TMEM130: variants seen among roughly 807,000 people sequenced by gnomAD.
The protein encoded by TMEM130 is transmembrane protein 130.
Under a neutral mutation model 42.9 loss-of-function variants are expected in TMEM130, and 37 were observed. The ratio of observed to expected loss-of-function variants is 0.86; its 90% CI spans 0.66 to 1.13. The LOEUF is 1.13. Among genes scored for constraint, TMEM130 ranks in the 50% most tolerant of loss-of-function variants. The probability of loss-of-function intolerance (pLI) is 0.00; values close to 1 mark genes in which losing one functional copy is unlikely to be tolerated. For synonymous variants in TMEM130, 259 were observed against 237.7 expected (o/e 1.09, Z -0.82); for missense variants, 545 against 562.6 (o/e 0.97, Z 0.32).
rs1554400092 is a variant in TMEM130, at chr7:98,863,177, G to T, written c.309C>A (p.Phe103Leu). The change falls in exon 2 of 8, where the codon TTC (phenylalanine) becomes TTA (leucine). Residue 103 changes from phenylalanine to leucine, a missense_variant. Transcript: ENST00000339375. ...CGGCAGTGACCCAGACAGAGACCGG[G>T]AATTCCCCGGGCACGTGGCCGACCA... ...IRVVGHVPGE[F>L]PVSVWVTAAD... 6.2e-7 allele frequency: 1 copy of T among 1,613,982 alleles called. No individual in the cohort carries two copies. Among genetic ancestry groups the T allele is most frequent in the African/African-American group, 1.3e-5 (1 of 74,944 alleles).
In TMEM130 at chr7:98,869,122, G is replaced by A; in HGVS notation, c.85+655C>T. On this transcript the variant is annotated intron_variant, in intron 1 of 7. Coordinates refer to ENST00000339375, the MANE Select transcript of TMEM130 (RefSeq NM_152913.3). This position sits in a 1 kb window ranked among gnomAD's most constrained non-coding sequence, Gnocchi z 4.7. The stretch of plus-strand genomic sequence containing the variant: ...GGTTCCCAAAATGTGGCAGAGAGGT[G>A]GGTGCTGGCTTTCTGGCGGTGGGGA... 1.7e-6 allele frequency: 2 copies of A among 1,205,662 alleles called. No individual in the cohort carries two copies. The highest frequency in any genetic ancestry group is 1.4e-5 in the South Asian group (1 of 73,898). 74.7% of individuals were successfully genotyped at this position (1,205,662 alleles called of 1,614,324 possible). A position where few individuals can be genotyped will look rare whatever the true frequency, so the allele number is the denominator to read the frequency against.
At chr7:98,864,328 G>T (rs563176306) in intron 1 of TMEM130, among the ~76,000 whole-genome samples, 1 of 151,484 alleles carries the variant, frequency 6.6e-6, no homozygotes, top group African/African-American at 2.4e-5. Flanking sequence ...ACCTCAGCCT[G>T]CCAAGTAGCT....
intron 3 of TMEM130, among the ~76,000 whole-genome samples, chr7:98,858,561 G>A (rs1554399345): frequency 6.6e-6 from 1 of 151,858 alleles, no homozygotes; most frequent in Non-Finnish European, 1.5e-5. Flanking sequence ...AGGGCGGGGG[G>A]TGAGGAAAGC....
intron 1 of TMEM130, among the ~76,000 whole-genome samples, chr7:98,864,632 C>T (rs1389894220): frequency 6.6e-6 from 1 of 151,996 alleles, no homozygotes; most frequent in Non-Finnish European, 1.5e-5. Context: ...GGCATCATGG[C>T]TCATGCCTGT....
Position 98,869,271 on chromosome 7 carries a change from C to T in TMEM130, c.85+506G>A, listed in dbSNP as rs1794974291. The T allele has an allele frequency of 5.4e-6, 7 of 1,288,558 alleles. No homozygotes were observed. The highest frequency in any genetic ancestry group is 7.1e-6 in the Non-Finnish European group (7 of 988,562). 79.8% of individuals were successfully genotyped at this position (1,288,558 alleles called of 1,614,324 possible). On this transcript the variant is annotated intron_variant, in intron 1 of 7. Coordinates refer to ENST00000339375, the MANE Select transcript of TMEM130 (RefSeq NM_152913.3). This position sits in a 1 kb window ranked among gnomAD's most constrained non-coding sequence, Gnocchi z 4.7. ...ACCAGAGAGGAAATGGCAGCCTGGCCTCCTGGGCTCTAAATTCGCATCTCC... is the reference window on the plus strand; with the variant it reads ...ACCAGAGAGGAAATGGCAGCCTGGCTTCCTGGGCTCTAAATTCGCATCTCC...
intron 3 of TMEM130, among the ~76,000 whole-genome samples, chr7:98,858,089 G>T (rs782029160): frequency 6.6e-6 from 1 of 151,998 alleles, no homozygotes; most frequent in South Asian, 2.1e-4. Context: ...AATGTTAGTT[G>T]TTAGTTCCAG....
At position 98,863,347 on chromosome 7, in the gene TMEM130, C is replaced by T; in HGVS notation, c.139G>A (p.Val47Met). 1.2e-6 allele frequency: 2 copies of T among 1,608,694 alleles called. No individual in the cohort carries two copies. Among genetic ancestry groups the T allele is most frequent in the Non-Finnish European group, 1.7e-6 (2 of 1,179,060 alleles). ...GCCACCAGGCTGGCCGAGATGGTCACCACCGCTCCCGTGGTGGCAGGGCTA... is the reference window on the plus strand; with the variant it reads ...GCCACCAGGCTGGCCGAGATGGTCATCACCGCTCCCGTGGTGGCAGGGCTA... ...TDSPATTGAV[V>M]TISASLVAKD... Residue 47 changes from valine to methionine, a missense_variant, in exon 2 of 8, where the codon GTG becomes ATG. Physicochemically the swap from Val to Met is conservative, Grantham distance 21 (BLOSUM62 1). Coordinates refer to ENST00000339375, the MANE Select transcript of TMEM130 (RefSeq NM_152913.3).
intron 6 of TMEM130, 83 bp downstream of exon 6, chr7:98,851,338 A>G (rs1433993866): frequency 2.2e-6 from 3 of 1,394,502 alleles, no homozygotes; most frequent in African/African-American, 2.8e-5. Context: ...GCTGGCTGGT[A>G]GGAGCGTATT....
intron 2 of TMEM130, among the ~76,000 whole-genome samples, chr7:98,862,174 C>G (rs1402944648): frequency 6.6e-6 from 1 of 151,906 alleles, no homozygotes; most frequent in Non-Finnish European, 1.5e-5. Context: ...AAGATAAATT[C>G]ATTATTAGAC....
intron 1 of TMEM130, chr7:98,866,166 C>G (rs1453274187): frequency 2.6e-5 from 4 of 152,228 alleles, no homozygotes; most frequent in African/African-American, 9.7e-5. Flanking sequence ...ACAAAATTAG[C>G]CGGGTGTGGT....
intron 6 of TMEM130, 72 bp downstream of exon 6, chr7:98,851,349 G>A: frequency 6.8e-7 from 1 of 1,474,998 alleles, no homozygotes. Context: ...GGAGCGTATT[G>A]GTGGTGGTGG....
chr7:98,862,266 TAAAGAGACAGAGAC>T (rs201955521), intron 2 of TMEM130, among the ~76,000 whole-genome samples: 33 of 147,932 alleles, frequency 2.2e-4, no homozygotes, highest in African/African-American at 7.9e-4. Context: ...GAGACAGAGA[TAAAGAGACAGAGAC>T]AAAGAGACAG....
rs782056397 is a variant in TMEM130 at position 98,856,133 on chromosome 7, A to G, written c.602T>C (p.Ile201Thr). The G allele has an allele frequency of 1.2e-6, 2 of 1,614,026 alleles. No homozygotes were observed. The highest frequency in any genetic ancestry group is 1.7e-5 in the Admixed American group (1 of 60,004). The stretch of plus-strand genomic sequence containing the variant: ...TTTGAGCTTCACGGTGAAGGTCCCG[A>G]TGATGGAATAGTTATAATAGACCAC... ...DSVVYYNYSI[I>T]GTFTVKLKVV... is the part of the protein sequence containing the mutation. The change falls in exon 4 of 8, where the codon ATC becomes ACC. Residue 201 changes from isoleucine to threonine, a missense_variant. Physicochemically the swap from Ile to Thr is moderately conservative, Grantham distance 89. Coordinates refer to ENST00000339375, the MANE Select transcript of TMEM130 (RefSeq NM_152913.3).
rs1436201151 is a variant in TMEM130, at chr7:98,869,550, C to T, written c.85+227G>A. Among the ~76,000 whole-genome samples, 3 of 152,242 alleles carry T rather than the reference C, an allele frequency of 2.0e-5. No homozygotes were observed. Among genetic ancestry groups the T allele is most frequent in the African/African-American group, 7.2e-5 (3 of 41,472 alleles). On this transcript the variant is annotated intron_variant, in intron 1 of 7. Coordinates refer to ENST00000339375, the MANE Select transcript of TMEM130 (RefSeq NM_152913.3). This position sits in a 1 kb window ranked among gnomAD's most constrained non-coding sequence, Gnocchi z 4.7. Reference sequence around the variant, plus strand: ...AGCCTGGGGGGGTGGAAGCAGGAATCCAGGGGGTGCGGGGAGCCCCCTCCA... The same window carrying T: ...AGCCTGGGGGGGTGGAAGCAGGAATTCAGGGGGTGCGGGGAGCCCCCTCCA...
intron 1 of TMEM130, 139 bp from the exon 2 acceptor site, chr7:98,863,539 G>T (rs1794836973): frequency 3.8e-6 from 3 of 781,068 alleles, no homozygotes; most frequent in South Asian, 2.1e-5. Flanking sequence ...ACTTGCCCAA[G>T]GGTCACTCAG....
At chr7:98,864,381 CTT>C (rs77399182) in intron 1 of TMEM130, among the ~76,000 whole-genome samples, 8 of 137,892 alleles carry the variant, frequency 5.8e-5, no homozygotes, top group Admixed American at 7.4e-5. Context: ...TGATTTTTTT[CTT>C]TTTTTTTTTT....
In TMEM130 at chr7:98,863,202, A is replaced by G. The variant is rs1554400115; in HGVS notation, c.284T>C (p.Val95Ala). Reference protein sequence around the residue: ...MEKGLSSTIRVVGHVPGEFPV... With the variant: ...MEKGLSSTIRAVGHVPGEFPV... ...GAATTCCCCGGGCACGTGGCCGACC[A>G]CACGGATGGTGGAGCTGAGACCCTT... is the stretch of plus-strand genomic sequence containing the variant. The change falls in exon 2 of 8, where the codon GTG becomes GCG. Residue 95 changes from valine to alanine, a missense_variant. By Grantham distance (64) the Val-to-Ala change is moderately conservative. Coordinates refer to ENST00000339375, the MANE Select transcript of TMEM130 (RefSeq NM_152913.3). 1 of 1,614,132 alleles carries G rather than the reference A, an allele frequency of 6.2e-7. No homozygotes were observed.
At chr7:98,848,332 A>G in intron 7 of TMEM130, 124 bp from the exon 8 acceptor site, 2 of 1,176,762 alleles carry the variant, frequency 1.7e-6, no homozygotes, top group Non-Finnish European at 2.4e-6. Flanking sequence ...CTGGTGGCAG[A>G]GTGCACAGAA....
chr7:98,854,601 G>A (rs1280612151), intron 5 of TMEM130, among the ~76,000 whole-genome samples: 2 of 152,206 alleles, frequency 1.3e-5, no homozygotes, highest in African/African-American at 4.8e-5. Flanking sequence ...GCCAGGCATG[G>A]TGGTGCCCAC....
Sources: gnomAD v4.1 joint callset for allele counts (sites outside exome capture counted in the v4.1 genomes callset) on GRCh38, gnomAD v4.1.1 for gene constraint, Gnocchi (gnomAD v3.1) non-coding constraint, MANE v1.5 for transcripts, NCBI Gene and HGNC (gene_info 2026-07-23, HGNC 2026-07-21) for gene names.